The following MARCHF8 variants were observed in gnomAD, a reference collection of about 807,000 sequenced individuals.
MARCHF8 encodes membrane associated ring-CH-type finger 8, also known as E3 ubiquitin-protein ligase MARCHF8.
In MARCHF8, 40 loss-of-function variants were observed where a neutral mutation model predicts 51.6. The ratio of observed to expected loss-of-function variants is 0.77; its 90% CI spans 0.60 to 1.01. MARCHF8 has a LOEUF of 1.01. Among genes scored for constraint, MARCHF8 ranks in the 50% least tolerant of loss-of-function variants. The pLI, the probability that MARCHF8 is intolerant of heterozygous loss-of-function variation, is 0.00. For synonymous variants in MARCHF8, 263 were observed against 280.3 expected (o/e 0.94, Z 0.62); for missense variants, 685 against 708.6 (o/e 0.97, Z 0.38).
Position 45,568,453 on chromosome 10 carries a change from G to A in MARCHF8, c.-79+25782C>T, listed in dbSNP as rs537985571. Among the ~76,000 whole-genome samples the A allele has an allele frequency of 2.0e-5, 3 of 152,250 alleles. No homozygotes were observed. In the South Asian group the frequency reaches 6.2e-4, roughly 32 times the overall value. On this transcript the variant is annotated intron_variant, in intron 1 of 6. Coordinates refer to the MARCHF8 transcript ENST00000319836. ...CACTAACACTAAGCCAGGTGCAGTGGCTCACACCCGTAATCTCAGCACTTT... is the reference window on the plus strand; with the variant it reads ...CACTAACACTAAGCCAGGTGCAGTGACTCACACCCGTAATCTCAGCACTTT...
At chr10:45,506,734 C>T (rs893718370) in intron 2 of MARCHF8, among the ~76,000 whole-genome samples, 32 of 152,116 alleles carry the variant, frequency 2.1e-4, no homozygotes, top group African/African-American at 7.5e-4. Context: ...TTTTAATCAC[C>T]TGGGTGCAGA....
chr10:45,555,667 C>A (rs558057958), intron 1 of MARCHF8, among the ~76,000 whole-genome samples: 1 of 150,914 alleles, frequency 6.6e-6, no homozygotes, highest in African/African-American at 2.4e-5. Context: ...TCGCTTGAGC[C>A]CAGGAGGTTG....
At chr10:45,492,459 G>A (rs949336800) in intron 2 of MARCHF8, among the ~76,000 whole-genome samples, 2 of 152,004 alleles carry the variant, frequency 1.3e-5, no homozygotes, top group African/African-American at 4.8e-5. Flanking sequence ...CACCATGTCC[G>A]GCTCAGTTTT....
At chr10:45,482,904 T>C (rs2042913855) in intron 3 of MARCHF8, among the ~76,000 whole-genome samples, 1 of 152,188 alleles carries the variant, frequency 6.6e-6, no homozygotes, top group Non-Finnish European at 1.5e-5. Flanking sequence ...GGATACCCTC[T>C]CAATAAATGG....
rs142108892 is a variant in MARCHF8, at chr10:45,589,460, T to G, written c.-79+4775A>C. Among the ~76,000 whole-genome samples the G allele has an allele frequency of 1.4e-3, 206 of 152,314 alleles. 10 individuals carry two copies. In the East Asian group the frequency reaches 0.029, roughly 21 times the overall value. ...TTTGCAGGTGTGCAATTCAATAGTT[T>G]TTAGCAAATGCACAGAACTGTACAA... is the stretch of plus-strand genomic sequence containing the variant. On this transcript the variant is annotated intron_variant, in intron 1 of 6. Coordinates refer to the MARCHF8 transcript ENST00000319836.
intron 3 of MARCHF8, 81 bp from the exon 4 acceptor site, chr10:45,464,408 G>A (rs1422087827): frequency 3.5e-6 from 4 of 1,139,104 alleles, no homozygotes; most frequent in Middle Eastern, 3.9e-4. Flanking sequence ...GTGACAGGGA[G>A]AAACCCTAGA....
intron 1 of MARCHF8, among the ~76,000 whole-genome samples, chr10:45,542,987 G>A (rs756862943): frequency 6.6e-5 from 10 of 152,086 alleles, no homozygotes; most frequent in Non-Finnish European, 1.5e-4. Flanking sequence ...TCTAGGAAAA[G>A]GTGGTCTACA....
chr10:45,558,653 G>A (rs1455448432), intron 1 of MARCHF8, among the ~76,000 whole-genome samples: 3 of 152,278 alleles, frequency 2.0e-5, no homozygotes, highest in Non-Finnish European at 1.5e-5. Flanking sequence ...GGTGCCAGGC[G>A]CACGGTGGTG....
At chr10:45,461,487 TC>T in intron 5 of MARCHF8, 76 bp from the exon 6 acceptor site, 1 of 1,311,522 alleles carries the variant, frequency 7.6e-7, no homozygotes, top group Non-Finnish European at 1.0e-6. Context: ...GGCAGGTTAA[TC>T]CCCCCAAAGG....
chr10:45,579,416 T>A (rs966371872), intron 1 of MARCHF8, among the ~76,000 whole-genome samples: 14 of 140,358 alleles, frequency 1.0e-4, no homozygotes, highest in Non-Finnish European at 2.1e-4. Flanking sequence ...CTTTCATATA[T>A]AAACAAGCTA....
chr10:45,558,243 CA>C (rs2044273383), intron 1 of MARCHF8, among the ~76,000 whole-genome samples: 1 of 152,086 alleles, frequency 6.6e-6, no homozygotes, highest in African/African-American at 2.4e-5. Context: ...ACCTGTTTAC[CA>C]AAAGCACCTA....
At chr10:45,582,715 T>C (rs7068483) in intron 1 of MARCHF8, among the ~76,000 whole-genome samples, 4,424 of 152,304 alleles carry the variant, frequency 0.029, 225 homozygotes, top group African/African-American at 0.099. Context: ...TGTGAAAGGA[T>C]TGACAGTTTT....
At chr10:45,466,749 G>A (rs1842982221) in intron 3 of MARCHF8, among the ~76,000 whole-genome samples, 1 of 152,158 alleles carries the variant, frequency 6.6e-6, no homozygotes, top group Admixed American at 6.5e-5. Context: ...AGTGTCCTGG[G>A]TCCGGGAGGC....
At chr10:45,540,699 A>G (rs1322692918) in intron 1 of MARCHF8, among the ~76,000 whole-genome samples, 1 of 152,196 alleles carries the variant, frequency 6.6e-6, no homozygotes, top group Admixed American at 6.5e-5. Flanking sequence ...CAGAATCTAC[A>G]ATGAACTCAA....
At chr10:45,577,731 G>A (rs1036057753) in intron 1 of MARCHF8, among the ~76,000 whole-genome samples, 38 of 152,162 alleles carry the variant, frequency 2.5e-4, no homozygotes, top group African/African-American at 7.0e-4. Flanking sequence ...GCAGCATAAC[G>A]AACTAAGATA....
At chr10:45,557,781 A>C (rs1476573896) in intron 1 of MARCHF8, among the ~76,000 whole-genome samples, 1 of 152,196 alleles carries the variant, frequency 6.6e-6, no homozygotes. Context: ...TCTGCATTTA[A>C]CAAAGGCTTA....
At chr10:45,481,490 A>G (rs2042886444) in intron 3 of MARCHF8, among the ~76,000 whole-genome samples, 2 of 152,092 alleles carry the variant, frequency 1.3e-5, no homozygotes. Flanking sequence ...CGTGGGAGGG[A>G]CCCAGTGGGG....
intron 1 of MARCHF8, among the ~76,000 whole-genome samples, chr10:45,590,641 T>C (rs552775810): frequency 7.9e-5 from 12 of 152,340 alleles, no homozygotes; most frequent in African/African-American, 2.4e-4. Flanking sequence ...AAAGTCCACA[T>C]AGCATGATGC....
chr10:45,492,063 T>C lies in MARCHF8; in HGVS notation c.103-2646A>G, dbSNP rs77082284. ...CTTACCCTTTAAGAAATAAATTTGA[T>C]AATGCAAGCTTTTATTTTGTTTTCT... On this transcript the variant is annotated intron_variant, in intron 2 of 7. Transcript: ENST00000453424. 6.7e-3 allele frequency among the ~76,000 whole-genome samples: 1,028 copies of C among 152,354 alleles called. 9 individuals carry two copies. The highest frequency in any genetic ancestry group is 0.024 in the African/African-American group (979 of 41,580).
Sources: allele counts gnomAD v4.1 joint callset (sites outside exome capture counted in the v4.1 genomes callset), GRCh38; gene constraint gnomAD v4.1.1; transcripts MANE v1.5; gene names NCBI Gene and HGNC (gene_info 2026-07-23, HGNC 2026-07-21).